The following SLIT3 variants were observed in gnomAD, a reference collection of about 807,000 sequenced individuals.
SLIT3 encodes slit homolog 3 protein.
In SLIT3, 68 loss-of-function variants were observed where a neutral mutation model predicts 184.0. That is an observed-to-expected ratio of 0.37 (90% CI 0.30 to 0.45). The LOEUF is 0.45. SLIT3 is among the 20% of genes least tolerant of loss of function. The pLI is 1.00. For missense variants in SLIT3, 1,707 were observed against 2,026.0 expected (o/e 0.84, Z 3.02); for synonymous variants, 831 against 828.6 (o/e 1.00, Z -0.05).
chr5:169,053,372 C>G (rs181928176), intron 4 of SLIT3, among the ~76,000 whole-genome samples: 1 of 152,200 alleles, frequency 6.6e-6, no homozygotes, highest in Non-Finnish European at 1.5e-5. Context: ...TTGGAGGAAG[C>G]TAACGTTCCC....
intron 4 of SLIT3, among the ~76,000 whole-genome samples, chr5:169,051,442 T>C (rs1192005871): frequency 6.6e-6 from 1 of 152,190 alleles, no homozygotes; most frequent in Admixed American, 6.5e-5. Flanking sequence ...ATGCTGTAGT[T>C]GATTAGCTTT....
chr5:168,824,141 G>C (rs1300659855), intron 6 of SLIT3, among the ~76,000 whole-genome samples: 1 of 152,068 alleles, frequency 6.6e-6, no homozygotes, highest in African/African-American at 2.4e-5. Flanking sequence ...TTCACCATGT[G>C]GGCCAGGCTG....
chr5:168,802,166 A>G (rs1196064258), intron 9 of SLIT3, among the ~76,000 whole-genome samples: 1 of 151,180 alleles, frequency 6.6e-6, no homozygotes, highest in Non-Finnish European at 1.5e-5. Flanking sequence ...AAAAAAAGAC[A>G]TTTGGATGTC....
chr5:168,735,847 C>A (rs534062828), intron 20 of SLIT3, among the ~76,000 whole-genome samples: 18 of 152,276 alleles, frequency 1.2e-4, no homozygotes, highest in African/African-American at 4.3e-4. Context: ...TCCTGCATTT[C>A]TCTTGGAGTC....
intron 4 of SLIT3, among the ~76,000 whole-genome samples, chr5:169,187,418 T>A (rs1274775420): frequency 6.6e-6 from 1 of 152,128 alleles, no homozygotes; most frequent in Non-Finnish European, 1.5e-5. Context: ...GCAGCAGCTA[T>A]AAGTTTTAAA....
chr5:168,795,289 C>T (rs1010252296), intron 10 of SLIT3, among the ~76,000 whole-genome samples: 7 of 152,290 alleles, frequency 4.6e-5, no homozygotes, highest in East Asian at 1.9e-4. Flanking sequence ...GTTGGAGAGG[C>T]TCTTAGCGCT....
At chr5:169,039,132 T>C (rs1431657783) in intron 4 of SLIT3, among the ~76,000 whole-genome samples, 1 of 151,998 alleles carries the variant, frequency 6.6e-6, no homozygotes, top group African/African-American at 2.4e-5. Context: ...ATGTGCCATA[T>C]TGTAGACCCA....
chr5:168,696,100 G>A (rs568486006), intron 28 of SLIT3, among the ~76,000 whole-genome samples, 192 bp downstream of exon 28: 1 of 152,316 alleles, frequency 6.6e-6, no homozygotes, highest in Admixed American at 6.5e-5. Context: ...GCAGTGATTT[G>A]CTGGTGGCTG....
intron 20 of SLIT3, among the ~76,000 whole-genome samples, chr5:168,734,973 T>C (rs1378189340): frequency 1.3e-5 from 2 of 152,126 alleles, no homozygotes; most frequent in East Asian, 3.9e-4. Context: ...AGCTTTCACA[T>C]CAGAAATGCA....
chr5:169,246,077 A>G, intron 2 of SLIT3, among the ~76,000 whole-genome samples: 1 of 152,142 alleles, frequency 6.6e-6, no homozygotes, highest in East Asian at 1.9e-4. Flanking sequence ...GATATTTTAC[A>G]TTTTTGTGAA....
At chr5:168,812,888 TA>T (rs59017426) in intron 8 of SLIT3, among the ~76,000 whole-genome samples, 20,224 of 143,992 alleles carry the variant, frequency 0.14, 1,714 homozygotes, top group South Asian at 0.31. Flanking sequence ...AGTCCCAAAT[TA>T]AAAAAAAAAA....
In SLIT3 at chr5:168,710,515, G is replaced by A. The variant is rs1762522309; in HGVS notation, c.2719+380C>T. 2.6e-5 allele frequency among the ~76,000 whole-genome samples: 4 copies of A among 152,158 alleles called. No homozygotes were observed. In the South Asian group the frequency reaches 8.3e-4, roughly 32 times the overall value. On this transcript the variant is annotated intron_variant, in intron 25 of 35. Transcript: ENST00000519560. ...GCAGTGGCTTATGCCTGTAATCCCAGCATTTTGGGGGGCCAAAACAGGAGG... is the reference window on the plus strand; with the variant it reads ...GCAGTGGCTTATGCCTGTAATCCCAACATTTTGGGGGGCCAAAACAGGAGG...
At chr5:168,892,310 A>G (rs1760495657) in intron 4 of SLIT3, among the ~76,000 whole-genome samples, 1 of 151,854 alleles carries the variant, frequency 6.6e-6, no homozygotes, top group Admixed American at 6.6e-5. Flanking sequence ...TATTTTACAC[A>G]CACCTCAATC....
At chr5:169,133,706 G>A (rs1761389404) in intron 4 of SLIT3, among the ~76,000 whole-genome samples, 3 of 152,178 alleles carry the variant, frequency 2.0e-5, no homozygotes, top group Admixed American at 2.0e-4. Context: ...GCTGAGCAAA[G>A]CTGTCATGGA....
chr5:169,104,119 T>G (rs2113237749), intron 4 of SLIT3, among the ~76,000 whole-genome samples: 1 of 152,348 alleles, frequency 6.6e-6, no homozygotes, highest in African/African-American at 2.4e-5. Context: ...TTTTTCTTCT[T>G]ACCTCTCCTT....
At chr5:169,159,370 G>A (rs1245324555) in intron 4 of SLIT3, among the ~76,000 whole-genome samples, 1 of 152,226 alleles carries the variant, frequency 6.6e-6, no homozygotes, top group East Asian at 1.9e-4. Context: ...AGATTGCAGT[G>A]AGCTGAGATC....
At chr5:169,209,872 C>G (rs1368966335) in intron 3 of SLIT3, among the ~76,000 whole-genome samples, 1 of 152,106 alleles carries the variant, frequency 6.6e-6, no homozygotes, top group Non-Finnish European at 1.5e-5. Flanking sequence ...GTGCAGCAAA[C>G]CACTATGGCA....
chr5:169,066,684 G>A (rs540774538), intron 4 of SLIT3, among the ~76,000 whole-genome samples: 1 of 152,282 alleles, frequency 6.6e-6, no homozygotes, highest in East Asian at 1.9e-4. Context: ...GGCATGTAAA[G>A]TTTTCGCCCA....
rs1399645243 is a variant in SLIT3, at chr5:168,709,658, T to A, written c.2719+1237A>T. Among the ~76,000 whole-genome samples, 3 of 149,668 alleles carry A rather than the reference T, an allele frequency of 2.0e-5. No homozygotes were observed. The South Asian group carries it at 6.2e-4, about 31-fold the overall frequency. ...TGTTTTTCTGCTTGCAGCAGAAGTG[T>A]AGGACACACTAAAGTTTGAGAGGGT... On this transcript the variant is annotated intron_variant, in intron 25 of 35. Coordinates refer to ENST00000519560, the MANE Select transcript of SLIT3 (RefSeq NM_003062.4).
Sources: gnomAD v4.1 joint callset for allele counts (sites outside exome capture counted in the v4.1 genomes callset) on GRCh38, gnomAD v4.1.1 for gene constraint, MANE v1.5 for transcripts, NCBI Gene and HGNC (gene_info 2026-07-23, HGNC 2026-07-21) for gene names.